The following CMIP variants were observed in gnomAD, a reference collection of about 807,000 sequenced individuals.
The protein encoded by CMIP is c-Maf inducing protein, also known as C-Maf-inducing protein.
Under a neutral mutation model 97.3 loss-of-function variants are expected in CMIP, and 13 were observed. The ratio of observed to expected loss-of-function variants is 0.13; its 90% CI spans 0.09 to 0.21. CMIP has a LOEUF of 0.21. Among genes scored for constraint, CMIP ranks in the 10% least tolerant of loss-of-function variants. CMIP has a pLI of 1.00. For synonymous variants in CMIP, 538 were observed against 436.3 expected (o/e 1.23, Z -2.91); for missense variants, 847 against 1,024.9 (o/e 0.83, Z 2.37).
intron 1 of CMIP, among the ~76,000 whole-genome samples, chr16:81,504,655 A>AG (rs2089673439): frequency 3.4e-5 from 5 of 149,068 alleles, no homozygotes; most frequent in Admixed American, 2.7e-4. Context: ...AAAAAAAAAA[A>AG]AAAAAAAAAA....
chr16:81,575,864 C>CT (rs1201515026), intron 1 of CMIP, among the ~76,000 whole-genome samples: 1 of 152,170 alleles, frequency 6.6e-6, no homozygotes, highest in East Asian at 1.9e-4. Flanking sequence ...GGTTCTGGCT[C>CT]TAAGTGTGGC....
Position 81,621,076 on chromosome 16 carries a change from CT to C in CMIP, c.477+151del. On this transcript the variant is annotated intron_variant, in intron 3 of 20. Coordinates refer to ENST00000537098, the MANE Select transcript of CMIP (RefSeq NM_198390.3). The surrounding 1 kb of genome is among the most constrained non-coding windows in gnomAD (Gnocchi z 4.1). ...ACTTTGTTCCCCTACCTAAGAGCCC[CT>C]GGCCCTTCGTCCTCTGCTGTTCAAT... The C allele has an allele frequency of 1.2e-6, 1 of 856,078 alleles. No homozygotes were observed. Among genetic ancestry groups the C allele is most frequent in the Non-Finnish European group, 1.8e-6 (1 of 553,618 alleles). 53.0% of individuals were successfully genotyped at this position (856,078 alleles called of 1,614,324 possible). A position where few individuals can be genotyped will look rare whatever the true frequency, so the allele number is the denominator to read the frequency against.
intron 2 of CMIP, chr16:81,610,565 G>A (rs532527165): frequency 2.9e-5 from 29 of 983,616 alleles, no homozygotes; most frequent in African/African-American, 1.9e-4. Context: ...TGCCCCTGGC[G>A]GCTGTGGTTC....
intron 5 of CMIP, among the ~76,000 whole-genome samples, chr16:81,658,812 G>C (rs1372517719): frequency 2.0e-5 from 3 of 152,224 alleles, no homozygotes; most frequent in Non-Finnish European, 1.5e-5. Flanking sequence ...ATGTCTCCTG[G>C]CTGCAAGGTA....
chr16:81,610,360 C>T, intron 2 of CMIP: 1 of 985,600 alleles, frequency 1.0e-6, no homozygotes, highest in Non-Finnish European at 1.2e-6. Context: ...CAGCATCCCA[C>T]TTGCTCACTG....
chr16:81,449,374 G>A (rs1426620326), intron 1 of CMIP, among the ~76,000 whole-genome samples: 1 of 152,164 alleles, frequency 6.6e-6, no homozygotes, highest in Non-Finnish European at 1.5e-5. Context: ...ATTCTCATTG[G>A]TTTCTTTAGT....
chr16:81,687,684 G>T (rs1011443766), intron 10 of CMIP, among the ~76,000 whole-genome samples: 1 of 152,192 alleles, frequency 6.6e-6, no homozygotes, highest in African/African-American at 2.4e-5. Context: ...GGCCGTGTGT[G>T]AGTGCTCTGC....
chr16:81,676,344 G>T (rs370189255), intron 9 of CMIP, among the ~76,000 whole-genome samples: 19 of 151,588 alleles, frequency 1.3e-4, no homozygotes, highest in African/African-American at 4.4e-4. Flanking sequence ...GATAAAGTCC[G>T]TCATGTCCTC....
intron 1 of CMIP, among the ~76,000 whole-genome samples, chr16:81,561,270 C>G (rs2090877899): frequency 6.6e-6 from 1 of 152,130 alleles, no homozygotes; most frequent in Admixed American, 6.5e-5. Flanking sequence ...TATAGATCAC[C>G]TAATATTTTA....
intron 1 of CMIP, among the ~76,000 whole-genome samples, chr16:81,594,587 C>G (rs2091520770): frequency 6.6e-6 from 1 of 152,012 alleles, no homozygotes. Context: ...TTTTCCTAAA[C>G]ATATATATAC....
chr16:81,466,006 C>T (rs971683743), intron 1 of CMIP, among the ~76,000 whole-genome samples: 1 of 151,954 alleles, frequency 6.6e-6, no homozygotes, highest in African/African-American at 2.4e-5. Flanking sequence ...ACATCCTTGT[C>T]CTTTCCTTTT....
At chr16:81,615,112 GTGTC>G (rs1158244484) in intron 2 of CMIP, among the ~76,000 whole-genome samples, 3 of 148,988 alleles carry the variant, frequency 2.0e-5, no homozygotes, top group Admixed American at 1.3e-4. Flanking sequence ...TGTATGGTAT[GTGTC>G]TGTGGTGTGT....
At chr16:81,540,401 C>T (rs1007425400) in intron 1 of CMIP, among the ~76,000 whole-genome samples, 4 of 152,190 alleles carry the variant, frequency 2.6e-5, no homozygotes, top group African/African-American at 7.2e-5. Flanking sequence ...CTCCCAGGCT[C>T]AAGTGATTCT....
At chr16:81,513,788 G>T (rs1482786713) in intron 1 of CMIP, among the ~76,000 whole-genome samples, 1 of 152,222 alleles carries the variant, frequency 6.6e-6, no homozygotes, top group East Asian at 1.9e-4. Context: ...ATTACTTCCT[G>T]GTGTGAATAT....
At chr16:81,641,868 C>A (rs1243430577) in intron 3 of CMIP, among the ~76,000 whole-genome samples, 1 of 152,186 alleles carries the variant, frequency 6.6e-6, no homozygotes. Context: ...CTCAGGTTTG[C>A]CTCTCGGAGT....
intron 1 of CMIP, among the ~76,000 whole-genome samples, chr16:81,601,984 G>A (rs1177150643): frequency 1.3e-5 from 2 of 152,230 alleles, no homozygotes; most frequent in Non-Finnish European, 2.9e-5. Context: ...CGTAAAACGT[G>A]CTCTTGCCCT....
chr16:81,466,041 TTG>T (rs750977706), intron 1 of CMIP, among the ~76,000 whole-genome samples: 4 of 83,764 alleles, frequency 4.8e-5, no homozygotes, highest in Non-Finnish European at 6.9e-5. Flanking sequence ...TTGTTTTCAT[TTG>T]TTTTTTTTTT....
At chr16:81,592,760 C>T (rs1024555040) in intron 1 of CMIP, among the ~76,000 whole-genome samples, 2 of 152,192 alleles carry the variant, frequency 1.3e-5, no homozygotes, top group African/African-American at 4.8e-5. Flanking sequence ...TAGCAGTGCC[C>T]CTTTCCCAGG....
At chr16:81,709,442 A>G (rs1314910612) in intron 20 of CMIP, among the ~76,000 whole-genome samples, 2 of 152,218 alleles carry the variant, frequency 1.3e-5, no homozygotes, top group Non-Finnish European at 2.9e-5. Context: ...GTCACGCAGC[A>G]GCAAGTGGCA....
Sources: allele counts gnomAD v4.1 joint callset (sites outside exome capture counted in the v4.1 genomes callset), GRCh38; gene constraint gnomAD v4.1.1; non-coding constraint Gnocchi (gnomAD v3.1); transcripts MANE v1.5; gene names NCBI Gene and HGNC (gene_info 2026-07-23, HGNC 2026-07-21).